VEPH1: variants seen among roughly 807,000 people sequenced by gnomAD.
The protein encoded by VEPH1 is ventricular zone expressed PH domain containing 1.
A neutral mutation model predicts 85.2 loss-of-function variants in VEPH1; 80 were observed. The ratio of observed to expected loss-of-function variants is 0.94; its 90% CI spans 0.78 to 1.13. VEPH1 has a LOEUF of 1.13. Among genes scored for constraint, VEPH1 ranks in the 50% most tolerant of loss-of-function variants. The pLI, the probability that VEPH1 is intolerant of heterozygous loss-of-function variation, is 0.00. For missense variants in VEPH1, 955 were observed against 980.5 expected, an observed-to-expected ratio of 0.97 and a Z score of 0.35; for synonymous variants, 297 against 348.0, an observed-to-expected ratio of 0.85 and a Z score of 1.63.
chr3:157,271,940 G>A (rs1714611023), intron 12 of VEPH1, among the ~76,000 whole-genome samples: 1 of 152,184 alleles, frequency 6.6e-6, no homozygotes, highest in African/African-American at 2.4e-5. Context: ...TTTGGTAAGT[G>A]GTAATATCAG....
At chr3:157,310,303 G>T (rs961278687) in intron 11 of VEPH1, among the ~76,000 whole-genome samples, 12 of 152,146 alleles carry the variant, frequency 7.9e-5, no homozygotes, top group African/African-American at 2.9e-4. Context: ...CTAGGGATTA[G>T]AATATTAGCT....
At chr3:157,467,284 G>A (rs1736478145) in intron 3 of VEPH1, among the ~76,000 whole-genome samples, 1 of 152,050 alleles carries the variant, frequency 6.6e-6, no homozygotes, top group African/African-American at 2.4e-5. Context: ...CTTATCTGGG[G>A]AGATGGGATG....
chr3:157,390,266 C>A (rs775594832), intron 6 of VEPH1, among the ~76,000 whole-genome samples: 1 of 152,166 alleles, frequency 6.6e-6, no homozygotes, highest in Non-Finnish European at 1.5e-5. Flanking sequence ...TGGTTTGGGA[C>A]AATGAGTTAG....
In VEPH1 at chr3:157,409,899, A is replaced by G. The variant is rs531493505; in HGVS notation, c.906+3982T>C. The G allele has an allele frequency of 6.0e-5, 59 of 985,410 alleles. No individual in the cohort carries two copies. In the African/African-American group the frequency reaches 9.9e-4, roughly 17 times the overall value. The allele number at this position is 985,410 out of a possible 1,614,324, so 61.0% of individuals were successfully genotyped here. On this transcript the variant is annotated intron_variant, in intron 6 of 13. Transcript: ENST00000362010. ...CTCTGCTCTTCTTAAAGATCAAACC[A>G]TGGAGTTTGCTGGAAACCAGAAAAC...
chr3:157,496,593 A>G (rs1440539966), intron 1 of VEPH1, among the ~76,000 whole-genome samples: 2 of 152,244 alleles, frequency 1.3e-5, no homozygotes, highest in South Asian at 2.1e-4. Flanking sequence ...ATTTCTACCT[A>G]GCATTTTACT....
chr3:157,388,300 G>T (rs773572840), intron 6 of VEPH1, among the ~76,000 whole-genome samples: 77 of 152,154 alleles, frequency 5.1e-4, no homozygotes, highest in Non-Finnish European at 6.9e-4. Flanking sequence ...TTCCATGAGA[G>T]TCTCTTTCTT....
chr3:157,403,450 T>C lies in VEPH1; in HGVS notation c.906+10431A>G, dbSNP rs1023832292. Among the ~76,000 whole-genome samples, 33 of 152,270 alleles carry C rather than the reference T, an allele frequency of 2.2e-4. 1 individual carries two copies. Among genetic ancestry groups the C allele is most frequent in the African/African-American group, 7.9e-4 (33 of 41,562 alleles). On this transcript the variant is annotated intron_variant, in intron 6 of 13. Coordinates refer to ENST00000362010, the MANE Select transcript of VEPH1 (RefSeq NM_001167912.2). ...TTTTTGCCTATTAAAGGATCTTTTTTTTCTTTTATTTTATTGTGATACTGG... is the reference window on the plus strand; with the variant it reads ...TTTTTGCCTATTAAAGGATCTTTTTCTTCTTTTATTTTATTGTGATACTGG...
At chr3:157,400,453 A>T (rs1330737943) in intron 6 of VEPH1, among the ~76,000 whole-genome samples, 1 of 152,172 alleles carries the variant, frequency 6.6e-6, no homozygotes, top group African/African-American at 2.4e-5. Flanking sequence ...TCCCAAAAAG[A>T]TGTTTGAATG....
In VEPH1 at chr3:157,317,142, A is replaced by G; in HGVS notation, c.1795T>C (p.Cys599Arg). 6.2e-7 allele frequency: 1 copy of G among 1,613,624 alleles called. No homozygotes were observed. Among genetic ancestry groups the G allele is most frequent in the Non-Finnish European group, 8.5e-7 (1 of 1,179,718 alleles). ...ATAAAACTGGACTTACTGTATAGGCAGTAATGACCCTTCAGGGAGCAGGTG... is the reference window on the plus strand; with the variant it reads ...ATAAAACTGGACTTACTGTATAGGCGGTAATGACCCTTCAGGGAGCAGGTG... ...FFTCSLKGHYCLYSKSSFILI... is the reference protein window; with the variant it reads ...FFTCSLKGHYRLYSKSSFILI... The change falls in exon 10 of 14, where the codon TGC (cysteine) becomes CGC (arginine). Residue 599 changes from cysteine to arginine, a missense_variant. Coordinates refer to ENST00000362010, the MANE Select transcript of VEPH1 (RefSeq NM_001167912.2).
At chr3:157,416,459 G>A (rs1199064940) in intron 5 of VEPH1, among the ~76,000 whole-genome samples, 3 of 152,186 alleles carry the variant, frequency 2.0e-5, no homozygotes, top group Admixed American at 2.0e-4. Context: ...TCCTTCAGGA[G>A]AAGCCATGCG....
chr3:157,421,534 C>T (rs918862961), intron 5 of VEPH1, among the ~76,000 whole-genome samples: 1 of 152,216 alleles, frequency 6.6e-6, no homozygotes, highest in African/African-American at 2.4e-5. Context: ...AAGCTTCAGT[C>T]TGTATTTCTG....
At chr3:157,372,616 AATATT>A (rs1467300321) in intron 7 of VEPH1, among the ~76,000 whole-genome samples, 11 of 152,184 alleles carry the variant, frequency 7.2e-5, no homozygotes, top group African/African-American at 2.4e-4. Context: ...TAGGGAATAA[AATATT>A]AGGTATTAAA....
In VEPH1 at chr3:157,393,222, T is replaced by A. The variant is rs369693611; in HGVS notation, c.907-11846A>T. On this transcript the variant is annotated intron_variant, in intron 6 of 13. Transcript: ENST00000362010. ...AAAGAAGCTTATCAAGAGTTCTTGA[T>A]GATGTTGTGGAACTTCTGAACAAAC... Among the ~76,000 whole-genome samples, 39 of 152,334 alleles carry A rather than the reference T, an allele frequency of 2.6e-4. No individual in the cohort carries two copies. In the South Asian group the frequency reaches 5.0e-3, roughly 19 times the overall value.
intron 12 of VEPH1, among the ~76,000 whole-genome samples, chr3:157,284,016 G>A (rs1169747854): frequency 6.6e-6 from 1 of 152,168 alleles, no homozygotes; most frequent in Non-Finnish European, 1.5e-5. Flanking sequence ...AAGACAGGCA[G>A]GTAAGTGGAT....
intron 2 of VEPH1, among the ~76,000 whole-genome samples, chr3:157,476,809 C>A (rs569735828): frequency 2.6e-5 from 4 of 152,210 alleles, no homozygotes; most frequent in Non-Finnish European, 2.9e-5. Context: ...CAGTAGGCTG[C>A]TGTTACACAA....
At chr3:157,380,275 GAC>G (rs796663309) in intron 7 of VEPH1, among the ~76,000 whole-genome samples, 14 of 152,116 alleles carry the variant, frequency 9.2e-5, no homozygotes, top group Admixed American at 2.6e-4. Flanking sequence ...CTCTTCCTGA[GAC>G]ATCCTCTGCA....
At chr3:157,377,710 C>G (rs1728280038) in intron 7 of VEPH1, among the ~76,000 whole-genome samples, 1 of 152,070 alleles carries the variant, frequency 6.6e-6, no homozygotes, top group Non-Finnish European at 1.5e-5. Context: ...GTCTTGCTTC[C>G]CCTTTGCTGT....
intron 2 of VEPH1, among the ~76,000 whole-genome samples, chr3:157,471,538 T>C (rs1224709776): frequency 1.3e-5 from 2 of 152,192 alleles, no homozygotes; most frequent in East Asian, 3.9e-4. Flanking sequence ...AAGAACAGAG[T>C]ATTTATAATA....
intron 6 of VEPH1, among the ~76,000 whole-genome samples, chr3:157,400,125 G>A (rs952496243): frequency 6.6e-5 from 10 of 152,034 alleles, no homozygotes; most frequent in African/African-American, 1.7e-4. Context: ...TCAGGAACAC[G>A]CACTTTTTGT....
Sources: gnomAD v4.1 joint callset for allele counts (sites outside exome capture counted in the v4.1 genomes callset) on GRCh38, gnomAD v4.1.1 for gene constraint, MANE v1.5 for transcripts, NCBI Gene and HGNC (gene_info 2026-07-23, HGNC 2026-07-21) for gene names.